DHRSX: variants seen among roughly 807,000 people sequenced by gnomAD.
DHRSX encodes the protein dehydrogenase/reductase X-linked.
In DHRSX, 31 loss-of-function variants were observed where a neutral mutation model predicts 34.0. The ratio of observed to expected loss-of-function variants is 0.91; its 90% CI spans 0.69 to 1.23. DHRSX has a LOEUF of 1.23. DHRSX is among the 50% of genes most tolerant of loss of function. DHRSX has a pLI of 0.00. For synonymous variants in DHRSX, 201 were observed against 183.8 expected, an observed-to-expected ratio of 1.09 and a Z score of -0.76; for missense variants, 414 against 428.1, an observed-to-expected ratio of 0.97 and a Z score of 0.29.
chrX:2,257,737 T>C (rs1569480685), intron 5 of DHRSX, among the ~76,000 whole-genome samples: 1 of 152,186 alleles, frequency 6.6e-6, no homozygotes, highest in Admixed American at 6.5e-5. Context: ...GCGATTCTCC[T>C]GCCTCAGCCT....
intron 1 of DHRSX, among the ~76,000 whole-genome samples, chrX:2,453,317 T>G (rs1436971447): frequency 4.0e-5 from 6 of 151,732 alleles, no homozygotes; most frequent in Non-Finnish European, 7.4e-5. Context: ...GAGGATCACT[T>G]GAGGCCAGGA....
At chrX:2,248,306 G>A (rs1236836761) in intron 5 of DHRSX, among the ~76,000 whole-genome samples, 3 of 151,986 alleles carry the variant, frequency 2.0e-5, no homozygotes, top group Non-Finnish European at 2.9e-5. Context: ...GGTGGTGGGC[G>A]CCCGTAGTCC....
intron 1 of DHRSX, among the ~76,000 whole-genome samples, chrX:2,475,616 G>A (rs1311667121): frequency 6.6e-6 from 1 of 151,292 alleles, no homozygotes; most frequent in Admixed American, 6.6e-5. Flanking sequence ...CACACTCACT[G>A]AAGACGTTCC....
intron 4 of DHRSX, among the ~76,000 whole-genome samples, chrX:2,286,615 G>A (rs1057479277): frequency 1.3e-5 from 2 of 151,922 alleles, no homozygotes; most frequent in African/African-American, 4.8e-5. Flanking sequence ...TGAAGAGTGG[G>A]CAATGGGTAT....
intron 4 of DHRSX, among the ~76,000 whole-genome samples, chrX:2,276,649 C>G (rs1400621114): frequency 2.0e-5 from 3 of 150,910 alleles, no homozygotes; most frequent in Non-Finnish European, 2.9e-5. Flanking sequence ...GAGGTGTATC[C>G]TGAACGGGAG....
chrX:2,403,126 A>G (rs2043508140), intron 3 of DHRSX, among the ~76,000 whole-genome samples: 1 of 151,826 alleles, frequency 6.6e-6, no homozygotes, highest in Non-Finnish European at 1.5e-5. Context: ...CAAGTCATCC[A>G]CCTGCCTCGG....
chrX:2,485,697 G>A (rs1230953092), intron 1 of DHRSX, among the ~76,000 whole-genome samples: 3 of 93,786 alleles, frequency 3.2e-5, no homozygotes, highest in Non-Finnish European at 6.4e-5. Context: ...AGGCAGAGAG[G>A]GAGGGGAGGG....
At chrX:2,411,011 G>C (rs1376972312) in intron 2 of DHRSX, among the ~76,000 whole-genome samples, 1 of 152,150 alleles carries the variant, frequency 6.6e-6, no homozygotes, top group Non-Finnish European at 1.5e-5. Context: ...AGGCATTTCA[G>C]GGAGGTGGGT....
At chrX:2,429,130 C>T (rs2043885526) in intron 1 of DHRSX, among the ~76,000 whole-genome samples, 1 of 152,048 alleles carries the variant, frequency 6.6e-6, no homozygotes, top group Admixed American at 6.6e-5. Context: ...GAAGATAGAA[C>T]CTGTACAATG....
chrX:2,414,243 C>T lies in DHRSX; in HGVS notation c.218-5430G>A, dbSNP rs184257470. On this transcript the variant is annotated intron_variant, in intron 2 of 6. Transcript: ENST00000334651. ...CCAACCCAACTATACCTCATCATAA[C>T]TTAACCCAACTTAACTACATCATAA... Among the ~76,000 whole-genome samples the T allele has an allele frequency of 2.6e-4, 39 of 152,100 alleles. No individual in the cohort carries two copies. The East Asian group carries it at 5.8e-3, about 23-fold the overall frequency.
chrX:2,238,940 A>G (rs1158505202), intron 6 of DHRSX, among the ~76,000 whole-genome samples: 1 of 152,142 alleles, frequency 6.6e-6, no homozygotes, highest in African/African-American at 2.4e-5. Flanking sequence ...ACACACTAGT[A>G]AATAATACAT....
intron 1 of DHRSX, among the ~76,000 whole-genome samples, chrX:2,453,093 C>T (rs2044247459): frequency 6.6e-6 from 1 of 152,100 alleles, no homozygotes; most frequent in Admixed American, 6.5e-5. Context: ...CTGGAAGATA[C>T]AAGGTGAAGT....
intron 3 of DHRSX, among the ~76,000 whole-genome samples, chrX:2,304,828 C>T (rs1569486000): frequency 6.6e-6 from 1 of 151,992 alleles, no homozygotes. Flanking sequence ...CCAGAAACAC[C>T]ATTTGACCCA....
chrX:2,357,528 T>G (rs1416303768), intron 3 of DHRSX, among the ~76,000 whole-genome samples: 1 of 151,878 alleles, frequency 6.6e-6, no homozygotes, highest in Non-Finnish European at 1.5e-5. Context: ...AAAAAGGACA[T>G]CTGCCAATGG....
chrX:2,439,378 C>T (rs996891536), intron 1 of DHRSX, among the ~76,000 whole-genome samples: 2 of 151,998 alleles, frequency 1.3e-5, no homozygotes, highest in African/African-American at 4.8e-5. Context: ...GTAAGAGTGA[C>T]AGCAAAGCAT....
At chrX:2,484,023 T>C (rs1253319787) in intron 1 of DHRSX, among the ~76,000 whole-genome samples, 1 of 152,324 alleles carries the variant, frequency 6.6e-6, no homozygotes, top group East Asian at 1.9e-4. Context: ...TCGCCCAGGA[T>C]GGAGCGCAGT....
intron 1 of DHRSX, among the ~76,000 whole-genome samples, chrX:2,442,450 T>C (rs1324013808): frequency 6.6e-6 from 1 of 151,084 alleles, no homozygotes; most frequent in Non-Finnish European, 1.5e-5. Context: ...GTATAATATA[T>C]TATGGGTGTC....
chrX:2,362,754 T>C (rs1350933352), intron 3 of DHRSX, among the ~76,000 whole-genome samples: 1 of 151,800 alleles, frequency 6.6e-6, no homozygotes, highest in Non-Finnish European at 1.5e-5. Flanking sequence ...TTCTATGGTA[T>C]CATGCCGCCA....
At chrX:2,318,517 C>A (rs2042267955) in intron 3 of DHRSX, among the ~76,000 whole-genome samples, 1 of 152,152 alleles carries the variant, frequency 6.6e-6, no homozygotes, top group South Asian at 2.1e-4. Context: ...AGACTGACCT[C>A]TGGTCTTCCT....
Sources: allele counts gnomAD v4.1 joint callset (sites outside exome capture counted in the v4.1 genomes callset), GRCh38; gene constraint gnomAD v4.1.1; transcripts MANE v1.5; gene names NCBI Gene and HGNC (gene_info 2026-07-23, HGNC 2026-07-21).